The following STK17B variants were observed in gnomAD, a reference collection of about 807,000 sequenced individuals.
The protein encoded by STK17B is serine/threonine kinase 17b.
STK17B carries 21 observed loss-of-function variants against 42.0 expected under a neutral mutation model. The observed-to-expected ratio is 0.50, with a 90% confidence interval of 0.35 to 0.72. The LOEUF is 0.72. Among genes scored for constraint, STK17B ranks in the 30% least tolerant of loss-of-function variants. The pLI, the probability that STK17B is intolerant of heterozygous loss-of-function variation, is 0.00. For missense variants in STK17B, 349 were observed against 446.0 expected, an observed-to-expected ratio of 0.78 and a Z score of 1.96; for synonymous variants, 143 against 148.4, an observed-to-expected ratio of 0.96 and a Z score of 0.26.
At chr2:196,146,704 T>C (rs1052073816) in intron 3 of STK17B, among the ~76,000 whole-genome samples, 6 of 152,114 alleles carry the variant, frequency 3.9e-5, no homozygotes, top group African/African-American at 1.4e-4. Flanking sequence ...TATATATACA[T>C]ATGTTTTCAT....
Position 196,141,252 on chromosome 2 carries a change from A to G in STK17B, c.653T>C (p.Met218Thr). The G allele has an allele frequency of 6.2e-7, 1 of 1,606,184 alleles. No homozygotes were observed. The highest frequency in any genetic ancestry group is 8.5e-7 in the Non-Finnish European group (1 of 1,175,584). ...NYDPITTATD[M>T]WNIGIIAYML... ...AAGGTAACTAACAACATCTTACCAC[A>G]TATCTGTTGCTGTGGTAATGGGATC... The change falls in exon 6 of 8, where the codon ATG becomes ACG. Residue 218 changes from methionine (M) to threonine (T), a missense_variant. Around this residue, in one of 3 missense-constraint regions of STK17B, gnomAD observed 256 missense variants for 347.7 expected, o/e 0.74. Coordinates refer to ENST00000263955, the MANE Select transcript of STK17B (RefSeq NM_004226.4).
chr2:196,141,552 A>C (rs1471694820), intron 5 of STK17B, among the ~76,000 whole-genome samples: 1 of 152,120 alleles, frequency 6.6e-6, no homozygotes, highest in Non-Finnish European at 1.5e-5. Flanking sequence ...CCAGCTACTC[A>C]GGAGGCTGAG....
chr2:196,140,908 C>G (rs1028090096), intron 6 of STK17B, among the ~76,000 whole-genome samples: 2 of 152,054 alleles, frequency 1.3e-5, no homozygotes, highest in Non-Finnish European at 2.9e-5. Flanking sequence ...TGAGGTGGAG[C>G]CCGGCAATGG....
chr2:196,175,247 C>T (rs910681883), upstream of STK17B, among the ~76,000 whole-genome samples: 42 of 152,212 alleles, frequency 2.8e-4, no homozygotes, highest in African/African-American at 9.4e-4. Context: ...AAATTTTCAT[C>T]GGAAACACTT....
Position 196,141,305 on chromosome 2 carries a change from A to G in STK17B, c.608-8T>C. On this transcript the variant is annotated splice_polypyrimidine_tract_variant and splice_region_variant and intron_variant, in intron 5 of 7. Transcript: ENST00000263955. The stretch of plus-strand genomic sequence containing the variant: ...AGTTCAGGATTTCTGGAGCTGAAAG[A>G]AAAGATAAAACTTAAATTCAATATT... 2 of 1,600,078 alleles carry G rather than the reference A, an allele frequency of 1.2e-6. No homozygotes were observed. Among genetic ancestry groups the G allele is most frequent in the Non-Finnish European group, 1.7e-6 (2 of 1,171,632 alleles).
chr2:196,156,395 C>T (rs972200103), intron 3 of STK17B, 44 bp downstream of exon 3: 2 of 1,422,228 alleles, frequency 1.4e-6, no homozygotes, highest in South Asian at 2.6e-5. Flanking sequence ...TTTTAATCAT[C>T]TTTTCATACC....
At chr2:196,162,112 A>G (rs889399913) in intron 2 of STK17B, among the ~76,000 whole-genome samples, 1 of 152,184 alleles carries the variant, frequency 6.6e-6, no homozygotes, top group Non-Finnish European at 1.5e-5. Flanking sequence ...CCATCTTCCA[A>G]CCCTTCATTA....
At position 196,145,248 on chromosome 2, in the gene STK17B, A is replaced by G. The variant is rs556470388; in HGVS notation, c.480+663T>C. Among the ~76,000 whole-genome samples the G allele has an allele frequency of 5.9e-5, 9 of 152,060 alleles. No individual in the cohort carries two copies. The South Asian group carries it at 1.5e-3, about 25-fold the overall frequency. ...TGTAGGTGGAGATTTTTGAATTATT[A>G]TTATTATTAAAGTGGTAATAGAAGC... On this transcript the variant is annotated intron_variant, in intron 4 of 7. Transcript: ENST00000263955.
At chr2:196,147,986 C>T (rs577034600) in intron 3 of STK17B, among the ~76,000 whole-genome samples, 1 of 152,022 alleles carries the variant, frequency 6.6e-6, no homozygotes, top group Non-Finnish European at 1.5e-5. Context: ...TCTTGGCCTC[C>T]CAAAGTGTTG....
At chr2:196,162,707 G>A (rs1699827681) in intron 2 of STK17B, among the ~76,000 whole-genome samples, 1 of 151,746 alleles carries the variant, frequency 6.6e-6, no homozygotes, top group Admixed American at 6.6e-5. Context: ...AGACCAGCCT[G>A]GGCAACATGG....
Position 196,137,712 on chromosome 2 carries a change from T to G in STK17B, c.854A>C (p.Glu285Ala). The part of the protein sequence containing the change: ...VKNPEKRPTA[E>A]ICLSHSWLQQ... ...TAGCCAAGAATGAGAAAGGCATATC[T>G]CTGCTGTTGGTCTTTTCCTTTGAAA... Residue 285 changes from glutamate (E) to alanine (A), a missense_variant, in exon 8 of 8, where the codon GAG (glutamate) becomes GCG (alanine). Physicochemically the swap from Glu to Ala is moderately radical, Grantham distance 107 (BLOSUM62 -1). Around this residue, in one of 3 missense-constraint regions of STK17B, gnomAD observed 256 missense variants for 347.7 expected, o/e 0.74. Transcript: ENST00000263955. The G allele has an allele frequency of 6.2e-7, 1 of 1,610,714 alleles. No individual in the cohort carries two copies.
At position 196,171,338 on chromosome 2, in the gene STK17B, C is replaced by G. The variant is rs1165142811; in HGVS notation, c.-50G>C. On this transcript the variant is annotated 5_prime_UTR_variant, in exon 1 of 8. Coordinates refer to ENST00000263955, the MANE Select transcript of STK17B (RefSeq NM_004226.4). ...CAATCCCGCAGGACACTAACCGCTC[C>G]GGCCGCCGCAGGTTCTCCCGGGACT... 1 of 152,774 alleles carries G rather than the reference C, an allele frequency of 6.5e-6. No individual in the cohort carries two copies. The highest frequency in any genetic ancestry group is 1.5e-5 in the Non-Finnish European group (1 of 68,556). 9.5% of individuals were successfully genotyped at this position (152,774 alleles called of 1,614,324 possible).
intron 2 of STK17B, among the ~76,000 whole-genome samples, chr2:196,159,550 G>A (rs1377270639): frequency 1.3e-5 from 2 of 152,082 alleles, no homozygotes; most frequent in African/African-American, 2.4e-5. Context: ...GGGCTCAAAC[G>A]ATTCTCCTGC....
rs567859155 is a variant in STK17B, at chr2:196,139,760, T to A, written c.696A>T (p.Thr232=). The A allele has an allele frequency of 1.2e-5, 18 of 1,440,382 alleles. No individual in the cohort carries two copies. Among genetic ancestry groups the A allele is most frequent in the Non-Finnish European group, 1.6e-5 (18 of 1,092,394 alleles). The allele number at this position is 1,440,382 out of a possible 1,614,324, so 89.2% of individuals were successfully genotyped here. The change falls in exon 7 of 8, where the codon ACA becomes ACT. Residue 232 remains threonine, a synonymous_variant. Coordinates refer to ENST00000263955, the MANE Select transcript of STK17B (RefSeq NM_004226.4). The stretch of plus-strand genomic sequence containing the variant: ...GATTATCTTCTCCCACAAATGGTGA[T>A]GTGTGAGTTAACAACATATATGCTA... The part of the protein sequence containing the change: ...GIIAYMLLTH[T]SPFVGEDNQE...
chr2:196,140,577 C>CCT lies in STK17B; in HGVS notation c.656+671_656+672insAG, dbSNP rs1334737441. 4.2e-4 allele frequency among the ~76,000 whole-genome samples: 43 copies of CCT among 101,474 alleles called. 1 individual carries two copies. Among genetic ancestry groups the CCT allele is most frequent in the African/African-American group, 5.0e-4 (14 of 27,918 alleles). The allele number at this position is 101,474 out of a possible 152,430, so 66.6% of individuals were successfully genotyped here. A position where few individuals can be genotyped will look rare whatever the true frequency, so the allele number is the denominator to read the frequency against. On this transcript the variant is annotated intron_variant, in intron 6 of 7. Coordinates refer to ENST00000263955, the MANE Select transcript of STK17B (RefSeq NM_004226.4). The stretch of plus-strand genomic sequence containing the variant: ...CTGCTTAACAAATACCTTCTTCTAG[C>CCT]TTTTTTTTTTTTTTTTTTTTTTTGT...
chr2:196,174,723 G>A (rs1022603271), upstream of STK17B, among the ~76,000 whole-genome samples: 1 of 152,196 alleles, frequency 6.6e-6, no homozygotes, highest in Admixed American at 6.5e-5. Flanking sequence ...TGGAGATGTC[G>A]CAGTGCATTT....
rs550720208 is a variant in STK17B, at chr2:196,143,322, A to T, written c.607+238T>A. ...TTATGTACAAATCCTTTATACACAA[A>T]CATTCAACTTGTACACTTACATATT... On this transcript the variant is annotated intron_variant, in intron 5 of 7. Coordinates refer to ENST00000263955, the MANE Select transcript of STK17B (RefSeq NM_004226.4). Among the ~76,000 whole-genome samples the T allele has an allele frequency of 3.9e-5, 6 of 152,308 alleles. No individual in the cohort carries two copies. In the South Asian group the frequency reaches 1.2e-3, roughly 32 times the overall value.
chr2:196,157,537 T>C (rs918320983), intron 2 of STK17B, among the ~76,000 whole-genome samples: 1 of 152,246 alleles, frequency 6.6e-6, no homozygotes, highest in Admixed American at 6.5e-5. Flanking sequence ...GTTTTAGCAA[T>C]ATGTCTCTTA....
intron 7 of STK17B, among the ~76,000 whole-genome samples, chr2:196,138,548 A>T (rs1240031648): frequency 6.6e-6 from 1 of 151,982 alleles, no homozygotes; most frequent in Non-Finnish European, 1.5e-5. Context: ...GACGGTGCTT[A>T]ACTAACCTCC....
Sources: gnomAD v4.1 joint callset for allele counts (sites outside exome capture counted in the v4.1 genomes callset) on GRCh38, gnomAD v4.1.1 for gene constraint, gnomAD v4.1.1 regional missense constraint, MANE v1.5 for transcripts, NCBI Gene and HGNC (gene_info 2026-07-23, HGNC 2026-07-21) for gene names.